The following KIF26B variants were observed in gnomAD, a reference collection of about 807,000 sequenced individuals.
The protein encoded by KIF26B is kinesin family member 26B, also known as kinesin-like protein KIF26B.
Under a neutral mutation model 151.2 loss-of-function variants are expected in KIF26B, and 63 were observed. That is an observed-to-expected ratio of 0.42 (90% CI 0.34 to 0.51). The LOEUF is 0.51. Among genes scored for constraint, KIF26B ranks in the 20% least tolerant of loss-of-function variants. KIF26B has a pLI of 0.07. For synonymous variants in KIF26B, 1,357 were observed against 1,262.1 expected (o/e 1.08, Z -1.59); for missense variants, 2,813 against 2,913.6 (o/e 0.97, Z 0.79).
At chr1:245,475,636 C>T (rs1029507793) in intron 4 of KIF26B, among the ~76,000 whole-genome samples, 5 of 151,814 alleles carry the variant, frequency 3.3e-5, no homozygotes, top group East Asian at 3.9e-4. Context: ...AATAAGCACA[C>T]GAAAAGATGC....
At chr1:245,578,564 CT>C (rs1279098010) in intron 5 of KIF26B, among the ~76,000 whole-genome samples, 1 of 152,222 alleles carries the variant, frequency 6.6e-6, no homozygotes, top group Non-Finnish European at 1.5e-5. Flanking sequence ...GGTATTGCCA[CT>C]TTCTGACAGA....
chr1:245,200,265 A>G (rs1195360013), intron 2 of KIF26B, among the ~76,000 whole-genome samples: 1 of 152,220 alleles, frequency 6.6e-6, no homozygotes, highest in Non-Finnish European at 1.5e-5. Context: ...GCATTCAACC[A>G]GGAGTGGAAT....
At chr1:245,307,978 A>G (rs1474279858) in intron 2 of KIF26B, among the ~76,000 whole-genome samples, 2 of 152,148 alleles carry the variant, frequency 1.3e-5, no homozygotes, top group Admixed American at 6.5e-5. Context: ...TTAACTGGTT[A>G]ATCTTTCAGT....
intron 5 of KIF26B, among the ~76,000 whole-genome samples, chr1:245,581,906 G>A (rs1382247743): frequency 1.4e-5 from 2 of 140,024 alleles, no homozygotes; most frequent in Non-Finnish European, 3.1e-5. Flanking sequence ...AACAGAGAGA[G>A]ACCCTGTCAA....
At chr1:245,566,441 C>T (rs2043011096) in intron 5 of KIF26B, among the ~76,000 whole-genome samples, 1 of 152,204 alleles carries the variant, frequency 6.6e-6, no homozygotes, top group Non-Finnish European at 1.5e-5. Context: ...GATAATTGTG[C>T]TCACTGTATA....
At chr1:245,523,531 G>A (rs927956730) in intron 4 of KIF26B, among the ~76,000 whole-genome samples, 5 of 152,142 alleles carry the variant, frequency 3.3e-5, no homozygotes, top group Non-Finnish European at 5.9e-5. Flanking sequence ...TCTAGAGGCC[G>A]AGAAGTTAAA....
chr1:245,603,305 G>A (rs965986678), intron 6 of KIF26B, among the ~76,000 whole-genome samples: 14 of 152,290 alleles, frequency 9.2e-5, no homozygotes, highest in Non-Finnish European at 1.9e-4. Context: ...TGGCTCAGTG[G>A]AGTGAAGGGG....
At chr1:245,306,105 A>G (rs1273524583) in intron 2 of KIF26B, among the ~76,000 whole-genome samples, 2 of 152,188 alleles carry the variant, frequency 1.3e-5, no homozygotes, top group Non-Finnish European at 1.5e-5. Context: ...ATGAATGTTT[A>G]TAGCAACATT....
chr1:245,612,095 TGTGTGTGTGTGAGAGAGAGA>T (rs2043532057), intron 9 of KIF26B, 119 bp downstream of exon 9: 4 of 694,812 alleles, frequency 5.8e-6, no homozygotes, highest in Non-Finnish European at 6.7e-6. Context: ...TGTGTGTGTG[TGTGTGTGTGTGAGAGAGAGA>T]GAGAGAGAGA....
At chr1:245,424,411 G>A (rs552871527) in intron 4 of KIF26B, among the ~76,000 whole-genome samples, 4 of 152,312 alleles carry the variant, frequency 2.6e-5, no homozygotes, top group Non-Finnish European at 5.9e-5. Flanking sequence ...GCCCCCCAAA[G>A]TGCTGAGTAT....
chr1:245,429,457 A>C (rs1251510528), intron 4 of KIF26B, among the ~76,000 whole-genome samples: 1 of 152,212 alleles, frequency 6.6e-6, no homozygotes, highest in Admixed American at 6.5e-5. Flanking sequence ...ATTCGCCCTT[A>C]AATCTCACCT....
At chr1:245,575,108 A>G (rs1018920940) in intron 5 of KIF26B, among the ~76,000 whole-genome samples, 1 of 149,210 alleles carries the variant, frequency 6.7e-6, no homozygotes, top group Non-Finnish European at 1.5e-5. Flanking sequence ...CTTGTGATCC[A>G]CCCGCCTCGG....
chr1:245,232,281 A>G (rs2103555482), intron 2 of KIF26B, among the ~76,000 whole-genome samples: 1 of 152,352 alleles, frequency 6.6e-6, no homozygotes, highest in South Asian at 2.1e-4. Context: ...GAGCTTGGAA[A>G]AGACCTGAAG....
intron 2 of KIF26B, among the ~76,000 whole-genome samples, chr1:245,172,775 G>A (rs373288468): frequency 6.0e-4 from 92 of 152,072 alleles, no homozygotes; most frequent in South Asian, 3.7e-3. Flanking sequence ...GCATCACTGC[G>A]CTCCAGCCTG....
chr1:245,259,909 T>A (rs1024162970), intron 2 of KIF26B, among the ~76,000 whole-genome samples: 3 of 126,156 alleles, frequency 2.4e-5, no homozygotes, highest in East Asian at 4.6e-4. Flanking sequence ...CACCCCAGCA[T>A]GAGTGACAGA....
rs146986315 is a variant in KIF26B, at chr1:245,312,787, C to G, written c.466-54047C>G. On this transcript the variant is annotated intron_variant, in intron 2 of 14. Transcript: ENST00000407071. ...ATCAATGCTCTTTCTACCTCACCAG[C>G]TGTCTCATATTAATACTAGAGATAC... 3.6e-3 allele frequency among the ~76,000 whole-genome samples: 544 copies of G among 152,276 alleles called. 3 individuals carry two copies. Among genetic ancestry groups the G allele is most frequent in the African/African-American group, 0.012 (518 of 41,538 alleles).
At chr1:245,256,639 A>G (rs1670541662) in intron 2 of KIF26B, among the ~76,000 whole-genome samples, 1 of 152,140 alleles carries the variant, frequency 6.6e-6, no homozygotes, top group African/African-American at 2.4e-5. Flanking sequence ...GGGCATTCTA[A>G]AGTCAGCCTG....
intron 9 of KIF26B, among the ~76,000 whole-genome samples, chr1:245,626,286 G>GT (rs940985438): frequency 7.6e-4 from 115 of 151,102 alleles, no homozygotes; most frequent in Middle Eastern, 3.4e-3. Context: ...TCTCGTTTTA[G>GT]TTTTTTTTTG....
In KIF26B at chr1:245,367,083, C is replaced by T. The variant is rs1423197251; in HGVS notation, c.715C>T (p.Leu239Phe). The change falls in exon 3 of 15, where the codon CTC (leucine) becomes TTC (phenylalanine). Residue 239 changes from leucine to phenylalanine, a missense_variant. Around this residue, in one of 3 missense-constraint regions of KIF26B, gnomAD observed 676 missense variants for 688.1 expected, o/e 0.98. Transcript: ENST00000407071. The surrounding 1 kb of genome is among the most constrained non-coding windows in gnomAD (Gnocchi z 4.2). ...TLVGSRHVGG[L>F]QQPRDWAFVP... ...GGTGGGGTCCCGGCACGTGGGTGGGCTCCAGCAGCCCAGAGACTGGGCCTT... is the reference window on the plus strand; with the variant it reads ...GGTGGGGTCCCGGCACGTGGGTGGGTTCCAGCAGCCCAGAGACTGGGCCTT... 2 of 1,599,532 alleles carry T rather than the reference C, an allele frequency of 1.3e-6. No homozygotes were observed. The highest frequency in any genetic ancestry group is 1.1e-5 in the South Asian group (1 of 88,980).
Sources: gnomAD v4.1 joint callset for allele counts (sites outside exome capture counted in the v4.1 genomes callset) on GRCh38, gnomAD v4.1.1 for gene constraint, gnomAD v4.1.1 regional missense constraint, Gnocchi (gnomAD v3.1) non-coding constraint, MANE v1.5 for transcripts, NCBI Gene and HGNC (gene_info 2026-07-23, HGNC 2026-07-21) for gene names.